The following CHRM2 variants were observed in gnomAD, a reference collection of about 807,000 sequenced individuals.
CHRM2 encodes the protein cholinergic receptor muscarinic 2.
CHRM2 carries 8 observed loss-of-function variants against 25.0 expected under a neutral mutation model. The observed-to-expected ratio is 0.32, with a 90% CI of 0.19 to 0.58. CHRM2 has a LOEUF of 0.58. CHRM2 is among the 20% of genes least tolerant of loss of function. The probability of loss-of-function intolerance (pLI) is 0.88; values close to 1 mark genes in which losing one functional copy is unlikely to be tolerated. For missense variants in CHRM2, 440 were observed against 567.1 expected, an observed-to-expected ratio of 0.78 and a Z score of 2.28; for synonymous variants, 202 against 205.7, an observed-to-expected ratio of 0.98 and a Z score of 0.15.
intron 3 of CHRM2, among the ~76,000 whole-genome samples, chr7:137,011,693 G>A (rs1804837545): frequency 6.6e-6 from 1 of 151,928 alleles, no homozygotes. Context: ...CTGCCAAGTT[G>A]ACACCTAAAA....
chr7:137,005,263 T>C (rs181451615), intron 3 of CHRM2, among the ~76,000 whole-genome samples: 1 of 152,150 alleles, frequency 6.6e-6, no homozygotes, highest in South Asian at 2.1e-4. Flanking sequence ...TTCATATAAA[T>C]AGGCATTTTA....
chr7:137,011,215 G>GTGTGTATATA, intron 3 of CHRM2, among the ~76,000 whole-genome samples: 1,993 of 134,274 alleles, frequency 0.015, 86 homozygotes, highest in African/African-American at 0.061. Flanking sequence ...GTGTGTGTGT[G>GTGTGTATATA]TATATATATA....
intron 2 of CHRM2, among the ~76,000 whole-genome samples, chr7:136,982,158 T>C (rs1802532222): frequency 1.3e-5 from 2 of 152,234 alleles, no homozygotes; most frequent in African/African-American, 4.8e-5. Context: ...TTTAGGATAG[T>C]TAGCTCTTCT....
At chr7:136,904,662 T>C (rs1046321726) in intron 2 of CHRM2, among the ~76,000 whole-genome samples, 3 of 151,960 alleles carry the variant, frequency 2.0e-5, no homozygotes, top group African/African-American at 4.8e-5. Flanking sequence ...TAGTTTCTTC[T>C]GCATTATAAA....
At chr7:136,992,570 A>C (rs1803300037) in intron 3 of CHRM2, among the ~76,000 whole-genome samples, 3 of 152,152 alleles carry the variant, frequency 2.0e-5, no homozygotes, top group Admixed American at 6.6e-5. Flanking sequence ...CACGTGACTT[A>C]ATACATCAAA....
At chr7:136,951,345 G>A (rs564831719) in intron 2 of CHRM2, among the ~76,000 whole-genome samples, 2 of 152,290 alleles carry the variant, frequency 1.3e-5, no homozygotes, top group South Asian at 4.1e-4. Flanking sequence ...AAAGGTGGGG[G>A]TGAATGTAGA....
intron 2 of CHRM2, among the ~76,000 whole-genome samples, chr7:136,889,167 G>A (rs191050584): frequency 6.6e-6 from 1 of 151,732 alleles, no homozygotes; most frequent in African/African-American, 2.4e-5. Flanking sequence ...CTTGAGTGTT[G>A]GTGCAAAATT....
chr7:136,952,529 GA>G (rs1450616923), intron 2 of CHRM2, among the ~76,000 whole-genome samples: 2 of 152,088 alleles, frequency 1.3e-5, no homozygotes, highest in African/African-American at 4.8e-5. Context: ...TACCCATGAT[GA>G]CTGAGTTTCT....
chr7:136,894,743 T>A (rs1448826548), intron 2 of CHRM2, among the ~76,000 whole-genome samples: 1 of 152,212 alleles, frequency 6.6e-6, no homozygotes, highest in East Asian at 1.9e-4. Context: ...TAATGGTTTT[T>A]AAAAATATAA....
At chr7:136,933,049 C>CATAAATAA (rs1270895095) in intron 2 of CHRM2, among the ~76,000 whole-genome samples, 1,307 of 120,398 alleles carry the variant, frequency 0.011, 24 homozygotes, top group African/African-American at 0.032. Flanking sequence ...TAAATAAATA[C>CATAAATAA]ATAAATAAAT....
rs527857234 is a variant in CHRM2 at position 137,015,695 on chromosome 7, G to A, written c.830G>A (p.Gly277Glu). Residue 277 changes from glycine to glutamate, a missense_variant, in exon 4 of 4, where the codon GGA becomes GAA. Gly to Glu is a moderately conservative substitution (Grantham distance 98, BLOSUM62 -2). This residue lies in a region of CHRM2 where 261 missense variants were observed against 261.8 expected (regional missense o/e 1.00). Coordinates refer to ENST00000680005, the MANE Select transcript of CHRM2 (RefSeq NM_001006630.2). The surrounding 1 kb of genome is among the most constrained non-coding windows in gnomAD (Gnocchi z 5.1). The part of the protein sequence containing the change: ...RDPVTENCVQ[G>E]EEKESSNDST... The stretch of plus-strand genomic sequence containing the variant: ...CCTGTGACTGAAAACTGTGTTCAGG[G>A]AGAGGAGAAGGAGAGCTCCAATGAC... 9.3e-6 allele frequency: 15 copies of A among 1,613,224 alleles called. No individual in the cohort carries two copies. The African/African-American group carries it at 1.9e-4, about 20-fold the overall frequency.
At chr7:136,927,944 A>G (rs62485239) in intron 2 of CHRM2, among the ~76,000 whole-genome samples, 36,305 of 152,070 alleles carry the variant, frequency 0.24, 5,690 homozygotes, top group Non-Finnish European at 0.35. Flanking sequence ...TTTATATGCT[A>G]TAGTGTGTGT....
chr7:136,929,352 A>G (rs1244239998), intron 2 of CHRM2, among the ~76,000 whole-genome samples: 1 of 151,442 alleles, frequency 6.6e-6, no homozygotes, highest in Non-Finnish European at 1.5e-5. Context: ...TATTTATCTG[A>G]GAAGTTTATA....
chr7:136,894,212 C>T (rs771355602), intron 2 of CHRM2, among the ~76,000 whole-genome samples: 40 of 152,112 alleles, frequency 2.6e-4, no homozygotes, highest in Admixed American at 4.6e-4. Context: ...TCAGACCACT[C>T]TATGCACAAA....
At chr7:136,972,286 G>A (rs768294966) in intron 2 of CHRM2, among the ~76,000 whole-genome samples, 2 of 152,080 alleles carry the variant, frequency 1.3e-5, no homozygotes, top group Non-Finnish European at 2.9e-5. Flanking sequence ...CTTCTACCTT[G>A]AGGGAAATTT....
At chr7:136,978,128 C>T (rs1276514490) in intron 2 of CHRM2, among the ~76,000 whole-genome samples, 1 of 152,140 alleles carries the variant, frequency 6.6e-6, no homozygotes, top group East Asian at 1.9e-4. Flanking sequence ...AGGGTCACTA[C>T]TTGGGTGACG....
At chr7:136,968,372 G>C (rs1449035065) in intron 2 of CHRM2, among the ~76,000 whole-genome samples, 2 of 151,376 alleles carry the variant, frequency 1.3e-5, no homozygotes, top group African/African-American at 4.8e-5. Flanking sequence ...AAATAAAAAA[G>C]ATAACAACTA....
At chr7:136,906,470 T>C (rs1211584624) in intron 2 of CHRM2, among the ~76,000 whole-genome samples, 4 of 151,760 alleles carry the variant, frequency 2.6e-5, no homozygotes, top group South Asian at 2.1e-4. Flanking sequence ...ATTTGGTTTT[T>C]TTAAACCACA....
At chr7:136,894,332 T>C (rs960944207) in intron 2 of CHRM2, among the ~76,000 whole-genome samples, 4 of 152,146 alleles carry the variant, frequency 2.6e-5, no homozygotes, top group African/African-American at 7.2e-5. Context: ...GAAGAAAATA[T>C]GGCAAATTGT....
Sources: gnomAD v4.1 joint callset for allele counts (sites outside exome capture counted in the v4.1 genomes callset) on GRCh38, gnomAD v4.1.1 for gene constraint, gnomAD v4.1.1 regional missense constraint, Gnocchi (gnomAD v3.1) non-coding constraint, MANE v1.5 for transcripts, NCBI Gene and HGNC (gene_info 2026-07-23, HGNC 2026-07-21) for gene names.